The following PDK1 variants were observed in gnomAD, a reference collection of about 807,000 sequenced individuals.
PDK1 encodes [Pyruvate dehydrogenase (acetyl-transferring)] kinase isozyme 1, mitochondrial.
A neutral mutation model predicts 54.2 loss-of-function variants in PDK1; 39 were observed. The ratio of observed to expected loss-of-function variants is 0.72; its 90% CI spans 0.56 to 0.94. The LOEUF (loss-of-function observed/expected upper bound fraction) is 0.94, where lower values mean the gene tolerates loss of function less well. PDK1 is among the 40% of genes least tolerant of loss of function. The pLI, the probability that PDK1 is intolerant of heterozygous loss-of-function variation, is 0.00. For missense variants in PDK1, 552 were observed against 566.0 expected (o/e 0.98, Z 0.25); for synonymous variants, 221 against 207.1 (o/e 1.07, Z -0.58).
the PDK1 span, among the ~76,000 whole-genome samples, chr2:172,696,897 A>G: frequency 6.6e-6 from 1 of 152,340 alleles, no homozygotes; most frequent in East Asian, 1.9e-4. Flanking sequence ...TATATAAAGG[A>G]GAGGTAAAAA....
chr2:172,641,971 C>G, the PDK1 span, among the ~76,000 whole-genome samples: 2 of 152,046 alleles, frequency 1.3e-5, no homozygotes, highest in African/African-American at 4.8e-5. Flanking sequence ...TGCTGGCGAG[C>G]CTTTCATTTG....
the PDK1 span, among the ~76,000 whole-genome samples, chr2:172,644,227 C>A: frequency 6.6e-6 from 1 of 152,184 alleles, no homozygotes; most frequent in East Asian, 1.9e-4. Context: ...CAGAAAAAAA[C>A]TTCAAGGAAT....
chr2:172,622,242 GATGTTTATATCTCATATTATGTGAGAT>G, the PDK1 span, among the ~76,000 whole-genome samples: 738 of 117,312 alleles, frequency 6.3e-3, 42 homozygotes, highest in African/African-American at 0.024. Context: ...TATTATGTGA[GATGTTTATATCTCATATTATGTGAGAT>G]ATGTTTATAT....
intron 10 of PDK1, among the ~76,000 whole-genome samples, 156 bp downstream of exon 10, chr2:172,593,204 C>A (rs186620506): frequency 2.0e-5 from 3 of 152,192 alleles, no homozygotes; most frequent in East Asian, 3.9e-4. Context: ...GATAGATGAT[C>A]CCCTAAAACT....
intron 9 of PDK1, among the ~76,000 whole-genome samples, chr2:172,591,345 T>A (rs1409371337): frequency 6.6e-6 from 1 of 152,234 alleles, no homozygotes; most frequent in Non-Finnish European, 1.5e-5. Flanking sequence ...GGGCGGCATC[T>A]CATACTATCC....
the PDK1 span, among the ~76,000 whole-genome samples, chr2:172,668,920 G>T: frequency 5.5e-5 from 8 of 145,544 alleles, no homozygotes; most frequent in South Asian, 4.4e-4. Context: ...GAGAGAGAGA[G>T]AGAGAGAGAG....
At chr2:172,701,913 C>T in the PDK1 span, among the ~76,000 whole-genome samples, 5 of 151,808 alleles carry the variant, frequency 3.3e-5, no homozygotes, top group East Asian at 1.9e-4. Context: ...TTTAGTATTG[C>T]GTTTAGTATA....
intron 10 of PDK1, among the ~76,000 whole-genome samples, chr2:172,594,751 G>A (rs1395421759): frequency 6.6e-6 from 1 of 152,200 alleles, no homozygotes; most frequent in Non-Finnish European, 1.5e-5. Context: ...CTTGTTCAGG[G>A]TGTTCTGCAT....
the PDK1 span, among the ~76,000 whole-genome samples, chr2:172,694,731 T>C: frequency 1.3e-5 from 2 of 152,210 alleles, no homozygotes; most frequent in African/African-American, 4.8e-5. Flanking sequence ...GGTAAATAAT[T>C]ATCTTACTTG....
chr2:172,579,322 G>A (rs1251644172), intron 8 of PDK1, among the ~76,000 whole-genome samples: 1 of 152,102 alleles, frequency 6.6e-6, no homozygotes, highest in African/African-American at 2.4e-5. Context: ...CAGCTACCAG[G>A]CTGCTGGTTT....
At chr2:172,636,419 A>C in the PDK1 span, among the ~76,000 whole-genome samples, 1 of 152,004 alleles carries the variant, frequency 6.6e-6, no homozygotes, top group African/African-American at 2.4e-5. Context: ...TCTCAAGGTG[A>C]CTTAAAGAGC....
chr2:172,704,454 C>CA, the PDK1 span, among the ~76,000 whole-genome samples: 1 of 152,102 alleles, frequency 6.6e-6, no homozygotes, highest in African/African-American at 2.4e-5. Context: ...TTAAGGGGTA[C>CA]ATTGAGAATC....
chr2:172,674,948 C>T, the PDK1 span: 12 of 152,256 alleles, frequency 7.9e-5, no homozygotes, highest in African/African-American at 2.9e-4. Context: ...CGCTTTGTCA[C>T]ATTTTGGTAA....
chr2:172,616,056 A>G, the PDK1 span, among the ~76,000 whole-genome samples: 45 of 152,194 alleles, frequency 3.0e-4, no homozygotes. Context: ...ACAAATTAAG[A>G]CCACATTGAG....
At chr2:172,556,021 A>G, upstream of PDK1, 1 of 591,690 alleles carries the variant, frequency 1.7e-6, no homozygotes, top group Non-Finnish European at 2.6e-6. Context: ...GGCTCCGGCT[A>G]GGAGGGTGGG....
At chr2:172,651,696 G>A in the PDK1 span, among the ~76,000 whole-genome samples, 14 of 152,140 alleles carry the variant, frequency 9.2e-5, no homozygotes, top group African/African-American at 2.4e-4. Flanking sequence ...ACACCTCTAC[G>A]CAAATAAACT....
chr2:172,710,906 A>G, the PDK1 span, among the ~76,000 whole-genome samples: 1 of 152,228 alleles, frequency 6.6e-6, no homozygotes, highest in Admixed American at 6.5e-5. Flanking sequence ...AAACAATTAC[A>G]TCACGTAACT....
the PDK1 span, among the ~76,000 whole-genome samples, chr2:172,668,894 C>CACATAT: frequency 0.029 from 3,208 of 112,284 alleles, 69 homozygotes; most frequent in East Asian, 0.11. Context: ...CACACACACA[C>CACATAT]ATATATATAT....
the PDK1 span, among the ~76,000 whole-genome samples, chr2:172,664,311 C>CAAAAAAAAAAAAAAAA: frequency 3.4e-3 from 148 of 44,178 alleles, 36 homozygotes; most frequent in East Asian, 0.025. Flanking sequence ...AACTCTGCCT[C>CAAAAAAAAAAAAAAAA]AAAAAAAAAA....
Sources: allele counts gnomAD v4.1 joint callset (sites outside exome capture counted in the v4.1 genomes callset), GRCh38; gene constraint gnomAD v4.1.1; transcripts MANE v1.5; gene names NCBI Gene and HGNC (gene_info 2026-07-23, HGNC 2026-07-21).